DRC4: variants seen among roughly 807,000 people sequenced by gnomAD.
DRC4 encodes the protein dynein regulatory complex subunit 4.
chr16:90,029,137 C>T, the DRC4 span: 1 of 1,220,982 alleles, frequency 8.2e-7, no homozygotes, highest in Non-Finnish European at 1.0e-6. Flanking sequence ...GGCCATGGAG[C>T]CTACGGGGCA....
chr16:90,037,178 GCC>G, the DRC4 span: 49 of 1,522,900 alleles, frequency 3.2e-5, no homozygotes, highest in East Asian at 1.0e-3. Context: ...GCAGGCCACA[GCC>G]CCTTTGGTTC....
the DRC4 span, chr16:90,031,288 C>T: frequency 5.6e-6 from 9 of 1,611,492 alleles, no homozygotes; most frequent in South Asian, 9.9e-5. Flanking sequence ...TGACCCACTG[C>T]ACCTGGCCAG....
chr16:90,043,784 G>T, the DRC4 span: 1 of 471,640 alleles, frequency 2.1e-6, no homozygotes, highest in South Asian at 1.6e-5. Flanking sequence ...TTCTCCAGGG[G>T]GCCGGGACTT....
At chr16:90,022,550 C>A in the DRC4 span, 2 of 609,096 alleles carry the variant, frequency 3.3e-6, no homozygotes, top group Non-Finnish European at 5.1e-6. Flanking sequence ...TCCTTCCGGA[C>A]GCCCGTCTCT....
At chr16:90,042,337 G>A in the DRC4 span, 6 of 727,748 alleles carry the variant, frequency 8.2e-6, no homozygotes, top group Admixed American at 7.9e-5. Flanking sequence ...ACAACCCTGT[G>A]TGGATGGATG....
At chr16:90,036,337 C>T in the DRC4 span, 3 of 1,530,046 alleles carry the variant, frequency 2.0e-6, no homozygotes, top group Non-Finnish European at 2.7e-6. Flanking sequence ...CGTAGGGGCA[C>T]CACGTCTTCC....
chr16:90,029,137 C>CCTACGGGGCAGG, the DRC4 span: 4 of 1,220,872 alleles, frequency 3.3e-6, no homozygotes, highest in Middle Eastern at 2.3e-4. Flanking sequence ...GGCCATGGAG[C>CCTACGGGGCAGG]CTACGGGGCA....
the DRC4 span, among the ~76,000 whole-genome samples, chr16:90,023,443 G>A: frequency 4.6e-5 from 7 of 152,194 alleles, no homozygotes; most frequent in Non-Finnish European, 1.0e-4. Flanking sequence ...CTGGGCAGGT[G>A]TGGCAGGGTG....
chr16:90,043,025 A>G, the DRC4 span: 1 of 680,930 alleles, frequency 1.5e-6, no homozygotes, highest in Non-Finnish European at 2.4e-6. Context: ...ACCTGAGCCA[A>G]CGCAGTGAAG....
At chr16:90,034,310 A>C in the DRC4 span, among the ~76,000 whole-genome samples, 4 of 152,204 alleles carry the variant, frequency 2.6e-5, no homozygotes, top group Non-Finnish European at 5.9e-5. Context: ...TTACATAATC[A>C]GAGTTTCCTG....
the DRC4 span, chr16:90,036,017 G>C: frequency 9.2e-5 from 90 of 973,042 alleles, no homozygotes; most frequent in Non-Finnish European, 1.2e-4. Context: ...GTCTGAGAAG[G>C]CTCCAATTTC....
the DRC4 span, chr16:90,019,757 G>A: frequency 1.5e-6 from 1 of 680,414 alleles, no homozygotes; most frequent in Non-Finnish European, 2.7e-6. This position sits in a 1 kb window ranked among gnomAD's most constrained non-coding sequence, Gnocchi z 6.1. Context: ...GCGTCCTCTT[G>A]TTCTCTTCCA....
chr16:90,029,452 G>T, the DRC4 span: 1 of 638,644 alleles, frequency 1.6e-6, no homozygotes, highest in Non-Finnish European at 2.4e-6. Context: ...AATATTGAGT[G>T]ATGGCAAAAT....
the DRC4 span, among the ~76,000 whole-genome samples, chr16:90,028,631 G>A: frequency 2.6e-5 from 4 of 152,274 alleles, no homozygotes; most frequent in Admixed American, 2.0e-4. Flanking sequence ...TCATTTGGAT[G>A]TAGTTAAGGG....
chr16:90,037,289 G>C, the DRC4 span: 3 of 1,613,998 alleles, frequency 1.9e-6, no homozygotes, highest in Non-Finnish European at 2.5e-6. Context: ...GATGGCAGAG[G>C]TGTCTGGGCA....
At chr16:90,036,912 T>C in the DRC4 span, 1 of 552,870 alleles carries the variant, frequency 1.8e-6, no homozygotes, top group East Asian at 3.2e-5. Context: ...TCATAGTCAC[T>C]GCCTGCGACA....
chr16:90,032,666 A>G, the DRC4 span: 6 of 1,564,158 alleles, frequency 3.8e-6, no homozygotes, highest in Non-Finnish European at 3.5e-6. Context: ...AGGTACGGAA[A>G]GGTGAGGAGG....
the DRC4 span, among the ~76,000 whole-genome samples, chr16:90,028,364 A>G: frequency 6.8e-6 from 1 of 146,664 alleles, no homozygotes; most frequent in Non-Finnish European, 1.5e-5. Flanking sequence ...TTTTTTTTGT[A>G]TTTTTAGTAG....
the DRC4 span, among the ~76,000 whole-genome samples, chr16:90,026,107 C>A: frequency 6.6e-6 from 1 of 152,034 alleles, no homozygotes; most frequent in Non-Finnish European, 1.5e-5. Context: ...GGCGACAGAG[C>A]AAGACTTTGT....
Sources: gnomAD v4.1 joint callset for allele counts (sites outside exome capture counted in the v4.1 genomes callset) on GRCh38, gnomAD v4.1.1 for gene constraint, Gnocchi (gnomAD v3.1) non-coding constraint, MANE v1.5 for transcripts, NCBI Gene and HGNC (gene_info 2026-07-23, HGNC 2026-07-21) for gene names.